The following NTNG1 variants were observed in gnomAD, a reference collection of about 807,000 sequenced individuals.
The protein encoded by NTNG1 is netrin G1.
NTNG1 carries 16 observed loss-of-function variants against 54.0 expected under a neutral mutation model. The observed-to-expected ratio is 0.30, with a 90% confidence interval of 0.20 to 0.45. NTNG1 has a LOEUF of 0.45. Ranked by LOEUF, NTNG1 falls within the 20% of genes least tolerant of loss-of-function variation. The pLI is 1.00. For synonymous variants in NTNG1, 255 were observed against 263.1 expected, an observed-to-expected ratio of 0.97 and a Z score of 0.30; for missense variants, 530 against 678.7, an observed-to-expected ratio of 0.78 and a Z score of 2.43.
chr1:107,190,347 AAAC>A (rs1036923177), intron 2 of NTNG1, among the ~76,000 whole-genome samples: 2 of 152,182 alleles, frequency 1.3e-5, no homozygotes, highest in African/African-American at 4.8e-5. Flanking sequence ...ATTAAAAACA[AAAC>A]AACAACAACA....
chr1:107,141,984 A>G (rs1385784733), intron 1 of NTNG1, among the ~76,000 whole-genome samples: 1 of 152,056 alleles, frequency 6.6e-6, no homozygotes, highest in Admixed American at 6.5e-5. Flanking sequence ...AATCGCCTTT[A>G]TTGGTGCTAG....
intron 2 of NTNG1, among the ~76,000 whole-genome samples, chr1:107,204,841 G>T (rs1007778711): frequency 1.3e-5 from 2 of 151,992 alleles, no homozygotes; most frequent in African/African-American, 4.8e-5. Flanking sequence ...ACTGGTTTTG[G>T]GATGCTTCAC....
At chr1:107,307,923 C>T (rs1430949044) in intron 2 of NTNG1, among the ~76,000 whole-genome samples, 1 of 152,200 alleles carries the variant, frequency 6.6e-6, no homozygotes, top group East Asian at 1.9e-4. Context: ...TTGAAATTCC[C>T]AGCTTTAGCC....
chr1:107,351,246 A>G (rs756483474), intron 3 of NTNG1, among the ~76,000 whole-genome samples: 1 of 152,192 alleles, frequency 6.6e-6, no homozygotes, highest in Non-Finnish European at 1.5e-5. Flanking sequence ...TCCATGACCC[A>G]CCTGGAGATC....
chr1:107,314,419 A>G (rs924598804), intron 2 of NTNG1, among the ~76,000 whole-genome samples: 46 of 150,978 alleles, frequency 3.0e-4, no homozygotes, highest in Middle Eastern at 3.4e-3. Flanking sequence ...AAATAAATAA[A>G]TAAATAAATA....
chr1:107,386,239 G>T lies in NTNG1; in HGVS notation c.888-8915G>T, dbSNP rs549680801. ...GACTGGAGTTCAATGGCATGATCTC[G>T]GCTCACTGCAGCCTACACCTCTTGG... is the stretch of plus-strand genomic sequence containing the variant. On this transcript the variant is annotated intron_variant, in intron 3 of 7. Transcript: ENST00000370068. Among the ~76,000 whole-genome samples the T allele has an allele frequency of 4.0e-5, 6 of 148,956 alleles. No individual in the cohort carries two copies. The South Asian group carries it at 1.3e-3, about 32-fold the overall frequency.
chr1:107,299,576 A>T (rs1666198929), intron 2 of NTNG1, among the ~76,000 whole-genome samples: 1 of 152,152 alleles, frequency 6.6e-6, no homozygotes, highest in South Asian at 2.1e-4. Flanking sequence ...ATCTTTACAG[A>T]TGAGGAGATT....
chr1:107,451,884 A>G (rs955571176), intron 7 of NTNG1, among the ~76,000 whole-genome samples: 1 of 152,158 alleles, frequency 6.6e-6, no homozygotes, highest in Non-Finnish European at 1.5e-5. Context: ...GAGTGAAACC[A>G]AAGTTTCCTG....
intron 2 of NTNG1, among the ~76,000 whole-genome samples, chr1:107,319,047 A>C (rs1014130234): frequency 1.3e-5 from 2 of 152,078 alleles, no homozygotes; most frequent in African/African-American, 4.8e-5. Context: ...CATGTCCACT[A>C]TCTTAGATTG....
intron 2 of NTNG1, among the ~76,000 whole-genome samples, chr1:107,216,837 C>T (rs1418376317): frequency 6.6e-6 from 1 of 152,088 alleles, no homozygotes; most frequent in Admixed American, 6.6e-5. Flanking sequence ...ACCACCACGA[C>T]CAGCTTAATT....
Position 107,288,693 on chromosome 1 carries a change from G to A in NTNG1, c.247-35589G>A, listed in dbSNP as rs1024771453. Among the ~76,000 whole-genome samples, 6 of 152,276 alleles carry A rather than the reference G, an allele frequency of 3.9e-5. No individual in the cohort carries two copies. The South Asian group carries it at 1.2e-3, about 32-fold the overall frequency. ...TTTTTATTGCAAAGGATTGACAAATGAGTGGGGGTTAAGAGGAAACAAGTA... is the reference window on the plus strand; with the variant it reads ...TTTTTATTGCAAAGGATTGACAAATAAGTGGGGGTTAAGAGGAAACAAGTA... On this transcript the variant is annotated intron_variant, in intron 2 of 7. Coordinates refer to ENST00000370068, the MANE Select transcript of NTNG1 (RefSeq NM_001113226.3).
At chr1:107,359,815 A>G (rs1670154813) in intron 3 of NTNG1, among the ~76,000 whole-genome samples, 1 of 149,872 alleles carries the variant, frequency 6.7e-6, no homozygotes, top group Non-Finnish European at 1.5e-5. Context: ...AAGTGTGATA[A>G]GATGAAAAAA....
rs539683714 is a variant in NTNG1 at position 107,274,474 on chromosome 1, C to T, written c.247-49808C>T. On this transcript the variant is annotated intron_variant, in intron 2 of 7. Coordinates refer to ENST00000370068, the MANE Select transcript of NTNG1 (RefSeq NM_001113226.3). ...TAGGTCATTTATGCCTCACTACAAT[C>T]CTATGAATTAGGTACTATTATCATC... Among the ~76,000 whole-genome samples the T allele has an allele frequency of 3.3e-5, 5 of 152,302 alleles. No individual in the cohort carries two copies. The South Asian group carries it at 1.0e-3, about 32-fold the overall frequency.
intron 2 of NTNG1, among the ~76,000 whole-genome samples, chr1:107,218,443 T>G (rs990061108): frequency 6.6e-5 from 10 of 152,322 alleles, no homozygotes; most frequent in African/African-American, 2.4e-4. Context: ...TTTAGGCCAT[T>G]TACATTCAAC....
intron 2 of NTNG1, among the ~76,000 whole-genome samples, chr1:107,150,668 C>T (rs1386156797): frequency 6.6e-6 from 1 of 152,140 alleles, no homozygotes; most frequent in Non-Finnish European, 1.5e-5. Context: ...TTTGTGGGTG[C>T]AGCTTCCCTG....
At chr1:107,150,426 G>A (rs1223839641) in intron 2 of NTNG1, among the ~76,000 whole-genome samples, 1 of 152,084 alleles carries the variant, frequency 6.6e-6, no homozygotes, top group Admixed American at 6.6e-5. Flanking sequence ...TTGCTGTTTG[G>A]GTGATAGGTT....
intron 5 of NTNG1, among the ~76,000 whole-genome samples, chr1:107,418,055 CTT>C (rs1674333421): frequency 6.6e-6 from 1 of 152,046 alleles, no homozygotes; most frequent in Non-Finnish European, 1.5e-5. Flanking sequence ...AGTTTTCCCT[CTT>C]TCCTTTTCTG....
intron 2 of NTNG1, among the ~76,000 whole-genome samples, chr1:107,288,652 T>G (rs1165255016): frequency 6.6e-6 from 1 of 152,146 alleles, no homozygotes; most frequent in African/African-American, 2.4e-5. Context: ...ATCATCTATA[T>G]CCTTAGAAAC....
At chr1:107,358,975 C>CA (rs1670103852) in intron 3 of NTNG1, among the ~76,000 whole-genome samples, 1 of 152,064 alleles carries the variant, frequency 6.6e-6, no homozygotes, top group African/African-American at 2.4e-5. Context: ...CATTGTCTCA[C>CA]AAAAAAATAT....
Sources: allele counts gnomAD v4.1 joint callset (sites outside exome capture counted in the v4.1 genomes callset), GRCh38; gene constraint gnomAD v4.1.1; transcripts MANE v1.5; gene names NCBI Gene and HGNC (gene_info 2026-07-23, HGNC 2026-07-21).